SAR1A: variants seen among roughly 807,000 people sequenced by gnomAD.
The protein encoded by SAR1A is small COPII coat GTPase SAR1A.
Under a neutral mutation model 22.6 loss-of-function variants are expected in SAR1A, and 6 were observed. The observed-to-expected ratio is 0.27, with a 90% CI of 0.15 to 0.52. The LOEUF is 0.52. Among genes scored for constraint, SAR1A ranks in the 20% least tolerant of loss-of-function variants. SAR1A has a pLI of 0.96. For missense variants in SAR1A, 145 were observed against 245.1 expected (o/e 0.59, Z 2.73); for synonymous variants, 70 against 82.2 (o/e 0.85, Z 0.80).
chr10:70,159,222 CTCTTT>C (rs1203457964), intron 4 of SAR1A, among the ~76,000 whole-genome samples: 3 of 152,200 alleles, frequency 2.0e-5, no homozygotes, highest in Admixed American at 2.0e-4. Context: ...TTCTTCCAGC[CTCTTT>C]TCTTTACTGG....
chr10:70,170,313 A>ACCCCCCCCCCC (rs964873806), intron 1 of SAR1A, 100 bp downstream of exon 1: 1 of 91,644 alleles, frequency 1.1e-5, no homozygotes, highest in Non-Finnish European at 2.0e-5. Flanking sequence ...CTTCCCCCCC[A>ACCCCCCCCCCC]CCCAACCCCG....
At chr10:70,159,804 G>A (rs570677753) in intron 4 of SAR1A, among the ~76,000 whole-genome samples, 2 of 152,080 alleles carry the variant, frequency 1.3e-5, no homozygotes, top group East Asian at 1.9e-4. Context: ...CTATACCTAC[G>A]GTCTTGTCAA....
At position 70,153,987 on chromosome 10, in the gene SAR1A, A is replaced by G; in HGVS notation, c.349-18T>C. ...ATTAAAGCCTAAAGATTGAAAAAAA[A>G]GAAAAAAAGAAAAAAAAGAATTAAG... On this transcript the variant is annotated intron_variant, in intron 5 of 6. Coordinates refer to ENST00000373241, the MANE Select transcript of SAR1A (RefSeq NM_020150.5). The G allele has an allele frequency of 6.5e-7, 1 of 1,532,856 alleles. No homozygotes were observed. Among genetic ancestry groups the G allele is most frequent in the Non-Finnish European group, 8.7e-7 (1 of 1,144,000 alleles). The allele number at this position is 1,532,856 out of a possible 1,614,324, so 95.0% of individuals were successfully genotyped here.
chr10:70,163,888 T>C (rs1839509585), intron 1 of SAR1A: 1 of 1,599,486 alleles, frequency 6.3e-7, no homozygotes, highest in African/African-American at 1.3e-5. Flanking sequence ...TTCCCTGAAT[T>C]TCTGACAATG....
chr10:70,163,895 A>G, intron 1 of SAR1A: 1 of 1,600,426 alleles, frequency 6.2e-7, no homozygotes, highest in Non-Finnish European at 8.6e-7. Flanking sequence ...AATTTCTGAC[A>G]ATGATGGCAA....
chr10:70,153,475 A>G (rs1478946561), intron 6 of SAR1A, among the ~76,000 whole-genome samples: 1 of 152,230 alleles, frequency 6.6e-6, no homozygotes, highest in Non-Finnish European at 1.5e-5. Context: ...AGTGATTGAA[A>G]TGATTATTTT....
chr10:70,165,002 A>G (rs1160428351), intron 1 of SAR1A, among the ~76,000 whole-genome samples: 1 of 152,186 alleles, frequency 6.6e-6, no homozygotes, highest in African/African-American at 2.4e-5. Flanking sequence ...CCAGTCTTTC[A>G]TTTAAGAAAT....
At position 70,161,887 on chromosome 10, in the gene SAR1A, T is replaced by C. The variant is rs200845256; in HGVS notation, c.29A>G (p.Asn10Ser). 332 of 1,612,846 alleles carry C rather than the reference T, an allele frequency of 2.1e-4. No homozygotes were observed. Among genetic ancestry groups the C allele is most frequent in the Non-Finnish European group, 2.6e-4 (304 of 1,179,808 alleles). The change falls in exon 2 of 7, where the codon AAT becomes AGT. Residue 10 changes from asparagine to serine, a missense_variant. Coordinates refer to ENST00000373241, the MANE Select transcript of SAR1A (RefSeq NM_020150.5). MSFIFEWIY[N>S]GFSSVLQFLG... is the part of the protein sequence containing the mutation. ...GAACTGGAGCACACTGCTGAAGCCA[T>C]TGTAGATCCACTCAAAGATGAAAGA...
rs1341152672 is a variant in SAR1A, at chr10:70,151,118, C to T, written c.*1358G>A. 6.6e-6 allele frequency: 1 copy of T among 151,848 alleles called. No individual in the cohort carries two copies. The highest frequency in any genetic ancestry group is 1.5e-5 in the Non-Finnish European group (1 of 67,970). 9.4% of individuals were successfully genotyped at this position (151,848 alleles called of 1,614,324 possible). A position where few individuals can be genotyped will look rare whatever the true frequency, so the allele number is the denominator to read the frequency against. ...ATGCTATAAAATTAATCCCCATCAC[C>T]CAAGTAGGGATGCCGGTGCTTTTAT... On this transcript the variant is annotated 3_prime_UTR_variant, in exon 7 of 7. Coordinates refer to ENST00000373241, the MANE Select transcript of SAR1A (RefSeq NM_020150.5).
At chr10:70,165,643 G>GT (rs1564571937) in intron 1 of SAR1A, among the ~76,000 whole-genome samples, 3 of 152,142 alleles carry the variant, frequency 2.0e-5, no homozygotes, top group African/African-American at 7.2e-5. Flanking sequence ...CAAAAAAAGT[G>GT]GTTTTTTTGA....
chr10:70,169,421 A>T (rs1194604949), intron 1 of SAR1A, among the ~76,000 whole-genome samples: 1 of 152,214 alleles, frequency 6.6e-6, no homozygotes, highest in Non-Finnish European at 1.5e-5. Flanking sequence ...GTACCACCTT[A>T]CGAGAAGTTA....
In SAR1A at chr10:70,164,182, T is replaced by C. The variant is rs1356393918; in HGVS notation, c.-16-2251A>G. On this transcript the variant is annotated intron_variant, in intron 1 of 6. Transcript: ENST00000373241. ...CTTGCACAAAACTGTTTATTTGCCT[T>C]TTGTTTGTAACTTATCTGTAAAAGG... The C allele has an allele frequency of 6.3e-6, 4 of 636,202 alleles. No individual in the cohort carries two copies. In the East Asian group the frequency reaches 1.1e-4, roughly 18 times the overall value. The allele number at this position is 636,202 out of a possible 1,614,324, so 39.4% of individuals were successfully genotyped here.
intron 1 of SAR1A, among the ~76,000 whole-genome samples, chr10:70,165,214 G>A (rs963108754): frequency 6.4e-5 from 9 of 141,128 alleles, no homozygotes; most frequent in South Asian, 4.4e-4. Flanking sequence ...GCAGTGAGCC[G>A]AGATCCCGCC....
intron 1 of SAR1A, among the ~76,000 whole-genome samples, chr10:70,168,335 C>T (rs937202891): frequency 6.6e-6 from 1 of 152,182 alleles, no homozygotes; most frequent in African/African-American, 2.4e-5. Flanking sequence ...TGGCTCATGC[C>T]TGTAATCCCA....
intron 6 of SAR1A, 143 bp from the exon 7 acceptor site, chr10:70,152,735 T>C (rs1052176944): frequency 6.2e-6 from 4 of 640,708 alleles, no homozygotes; most frequent in African/African-American, 5.5e-5. Context: ...CAAGGCCATA[T>C]AGATGACTTC....
intron 1 of SAR1A, among the ~76,000 whole-genome samples, chr10:70,164,475 G>A (rs1839519653): frequency 6.6e-6 from 1 of 152,184 alleles, no homozygotes; most frequent in Admixed American, 6.5e-5. Flanking sequence ...GAAGTATGGA[G>A]TTGTAACTCT....
rs935533502 is a variant in SAR1A, at chr10:70,150,967, C to T, written c.*1509G>A. On this transcript the variant is annotated 3_prime_UTR_variant, in exon 7 of 7. Coordinates refer to ENST00000373241, the MANE Select transcript of SAR1A (RefSeq NM_020150.5). ...CTCACATTAGAATAAAGACATCCTC[C>T]CAACTTTTCATCTCCTATCTCCAAT... The T allele has an allele frequency of 1.3e-5, 2 of 152,130 alleles. No homozygotes were observed. Among genetic ancestry groups the T allele is most frequent in the African/African-American group, 2.4e-5 (1 of 41,402 alleles). 9.4% of individuals were successfully genotyped at this position (152,130 alleles called of 1,614,324 possible). A position where few individuals can be genotyped will look rare whatever the true frequency, so the allele number is the denominator to read the frequency against.
intron 4 of SAR1A, 86 bp downstream of exon 4, chr10:70,160,918 A>T: frequency 1.2e-6 from 1 of 819,752 alleles, no homozygotes. Context: ...TTTAAAAGGT[A>T]AAAATGACAC....
chr10:70,153,898 A>G lies in SAR1A; in HGVS notation c.420T>C (p.Asp140=). The G allele has an allele frequency of 1.2e-6, 2 of 1,610,236 alleles. No homozygotes were observed. Among genetic ancestry groups the G allele is most frequent in the Non-Finnish European group, 1.7e-6 (2 of 1,178,414 alleles). ...CACGGAGTTTTTCTTCACTGATTGC[A>G]TCTGTTCTGTCAATTTTGTTACCCA... is the stretch of plus-strand genomic sequence containing the variant. ...LILGNKIDRT[D]AISEEKLREI... The change falls in exon 6 of 7, where the codon GAT becomes GAC. Residue 140 remains aspartate (D), a synonymous_variant. Coordinates refer to ENST00000373241, the MANE Select transcript of SAR1A (RefSeq NM_020150.5).
Sources: allele counts gnomAD v4.1 joint callset (sites outside exome capture counted in the v4.1 genomes callset), GRCh38; gene constraint gnomAD v4.1.1; transcripts MANE v1.5; gene names NCBI Gene and HGNC (gene_info 2026-07-23, HGNC 2026-07-21).